KCNN2: variants seen among roughly 807,000 people sequenced by gnomAD.
KCNN2 encodes the protein small conductance calcium-activated potassium channel protein 2.
Under a neutral mutation model 55.5 loss-of-function variants are expected in KCNN2, and 24 were observed. That is an observed-to-expected ratio of 0.43 (90% confidence interval 0.31 to 0.61). KCNN2 has a LOEUF of 0.61. Among genes scored for constraint, KCNN2 ranks in the 20% least tolerant of loss-of-function variants. The pLI is 0.08. For synonymous variants in KCNN2, 431 were observed against 336.1 expected, an observed-to-expected ratio of 1.28 and a Z score of -3.09; for missense variants, 754 against 853.6, an observed-to-expected ratio of 0.88 and a Z score of 1.45.
chr5:114,343,259 G>T (rs765486730), intron 2 of KCNN2, among the ~76,000 whole-genome samples: 1 of 152,118 alleles, frequency 6.6e-6, no homozygotes, highest in Non-Finnish European at 1.5e-5. Flanking sequence ...AAAGGGCTGT[G>T]GTTTGTTCTG....
At chr5:114,320,165 T>G (rs1756587529) in intron 2 of KCNN2, among the ~76,000 whole-genome samples, 3 of 152,176 alleles carry the variant, frequency 2.0e-5, no homozygotes. Flanking sequence ...ATATAACTGA[T>G]GTATTAAATG....
chr5:114,308,458 G>T (rs1432495018), intron 2 of KCNN2, among the ~76,000 whole-genome samples: 1 of 152,216 alleles, frequency 6.6e-6, no homozygotes, highest in Non-Finnish European at 1.5e-5. Flanking sequence ...TGTTGCAGGT[G>T]ACTGATGCTT....
At chr5:114,096,075 C>G (rs1364437793) in intron 1 of KCNN2, among the ~76,000 whole-genome samples, 1 of 152,062 alleles carries the variant, frequency 6.6e-6, no homozygotes, top group Non-Finnish European at 1.5e-5. Context: ...AGATCACTGT[C>G]CAGGAGCAGT....
intron 5 of KCNN2, 150 bp from the exon 6 acceptor site, chr5:114,486,900 T>C (rs1391155696): frequency 1.7e-6 from 2 of 1,157,206 alleles, no homozygotes; most frequent in East Asian, 2.6e-5. Context: ...TAAAAAGGCA[T>C]AGATTAAAGA....
intron 2 of KCNN2, among the ~76,000 whole-genome samples, chr5:114,389,644 G>A (rs1420888796): frequency 6.6e-6 from 1 of 152,080 alleles, no homozygotes; most frequent in Non-Finnish European, 1.5e-5. Flanking sequence ...GAACTGTGAG[G>A]TTCTATACAA....
intron 2 of KCNN2, among the ~76,000 whole-genome samples, chr5:114,315,098 A>AC (rs1756473187): frequency 6.6e-6 from 1 of 152,114 alleles, no homozygotes; most frequent in African/African-American, 2.4e-5. Flanking sequence ...GCAAACAGGA[A>AC]CCAGAATCTG....
At chr5:114,162,198 G>T (rs1365786972) in intron 1 of KCNN2, among the ~76,000 whole-genome samples, 2 of 152,212 alleles carry the variant, frequency 1.3e-5, no homozygotes, top group Non-Finnish European at 2.9e-5. Context: ...TGTCCTTTCT[G>T]TTTGTTAGTT....
chr5:114,338,518 T>G (rs959953673), intron 2 of KCNN2, among the ~76,000 whole-genome samples: 1 of 152,094 alleles, frequency 6.6e-6, no homozygotes, highest in Non-Finnish European at 1.5e-5. Context: ...ATGTTGAAAC[T>G]TAGAAAAAGT....
At chr5:114,304,013 G>T (rs1756218628) in intron 2 of KCNN2, among the ~76,000 whole-genome samples, 1 of 152,154 alleles carries the variant, frequency 6.6e-6, no homozygotes, top group South Asian at 2.1e-4. Flanking sequence ...TACATAAAAA[G>T]AAATTAACTG....
At chr5:114,188,129 A>G (rs1039341362) in intron 1 of KCNN2, among the ~76,000 whole-genome samples, 2 of 152,158 alleles carry the variant, frequency 1.3e-5, no homozygotes, top group African/African-American at 4.8e-5. Context: ...GGCTTTTAAG[A>G]CCCAGAGATA....
intron 3 of KCNN2, among the ~76,000 whole-genome samples, chr5:114,425,835 T>C (rs1759606336): frequency 6.6e-6 from 1 of 152,070 alleles, no homozygotes. Flanking sequence ...CCTGTGGCCA[T>C]CCCTGTTCCC....
At chr5:114,216,657 G>A (rs1200243994) in intron 1 of KCNN2, among the ~76,000 whole-genome samples, 2 of 151,984 alleles carry the variant, frequency 1.3e-5, no homozygotes, top group Non-Finnish European at 1.5e-5. Context: ...GAATATATAC[G>A]AAAACCCACC....
chr5:114,435,483 T>C (rs1373129866), intron 3 of KCNN2, among the ~76,000 whole-genome samples: 1 of 152,182 alleles, frequency 6.6e-6, no homozygotes, highest in Non-Finnish European at 1.5e-5. Flanking sequence ...AAAAATAATG[T>C]TTCTAGACTT....
At chr5:114,334,152 G>T (rs551042106) in intron 2 of KCNN2, among the ~76,000 whole-genome samples, 13 of 152,028 alleles carry the variant, frequency 8.6e-5, no homozygotes, top group Admixed American at 2.0e-4. Context: ...ACCCATAATG[G>T]ATTAGTTATT....
At chr5:114,337,072 G>A (rs543468280) in intron 2 of KCNN2, among the ~76,000 whole-genome samples, 16 of 152,210 alleles carry the variant, frequency 1.1e-4, no homozygotes, top group African/African-American at 3.4e-4. Flanking sequence ...ATTAGAGGTT[G>A]GCAGGAGTGG....
chr5:114,106,643 G>GTTTTTTTTTTTTTTTTTTTTTT (rs149036166), intron 1 of KCNN2, among the ~76,000 whole-genome samples: 3 of 69,932 alleles, frequency 4.3e-5, no homozygotes, highest in Non-Finnish European at 6.3e-5. Context: ...TTTTCCAGTT[G>GTTTTTTTTTTTTTTTTTTTTTT]TTTTTTTTTT....
At chr5:114,084,881 GT>G (rs1248719876) in intron 1 of KCNN2, among the ~76,000 whole-genome samples, 2 of 151,804 alleles carry the variant, frequency 1.3e-5, no homozygotes, top group African/African-American at 4.8e-5. Context: ...TTTTTTGCAT[GT>G]CCATTTGTTC....
intron 1 of KCNN2, among the ~76,000 whole-genome samples, chr5:114,150,639 C>T (rs1173374653): frequency 1.3e-5 from 2 of 152,112 alleles, no homozygotes; most frequent in Admixed American, 6.5e-5. Flanking sequence ...CCCGTCTTTT[C>T]CTGTGACAAG....
chr5:114,330,589 G>A (rs897662694), intron 2 of KCNN2, among the ~76,000 whole-genome samples: 1 of 150,250 alleles, frequency 6.7e-6, no homozygotes, highest in African/African-American at 2.5e-5. Context: ...TCTAATGTGT[G>A]CCTTTGTCAA....
Sources: gnomAD v4.1 joint callset for allele counts (sites outside exome capture counted in the v4.1 genomes callset) on GRCh38, gnomAD v4.1.1 for gene constraint, MANE v1.5 for transcripts, NCBI Gene and HGNC (gene_info 2026-07-23, HGNC 2026-07-21) for gene names.